The following UST variants were observed in gnomAD, a reference collection of about 807,000 sequenced individuals.
The protein encoded by UST is uronyl 2-sulfotransferase, also known as chondroitin sulfate 2-O-sulfotransferase.
In UST, 21 loss-of-function variants were observed where a neutral mutation model predicts 45.6. The observed-to-expected ratio is 0.46, with a 90% CI of 0.33 to 0.66. The LOEUF is 0.66. Ranked by LOEUF, UST falls within the 30% of genes least tolerant of loss-of-function variation. UST has a pLI of 0.02. For synonymous variants in UST, 215 were observed against 200.6 expected, an observed-to-expected ratio of 1.07 and a Z score of -0.61; for missense variants, 463 against 512.4, an observed-to-expected ratio of 0.90 and a Z score of 0.93.
intron 4 of UST, among the ~76,000 whole-genome samples, chr6:148,960,107 G>A (rs566538720): frequency 4.6e-5 from 7 of 152,080 alleles, no homozygotes; most frequent in South Asian, 2.1e-4. Context: ...TGGCCAACAC[G>A]GCGAAACCCC....
chr6:148,753,579 A>G (rs1264012896), intron 1 of UST, among the ~76,000 whole-genome samples: 1 of 152,198 alleles, frequency 6.6e-6, no homozygotes, highest in East Asian at 1.9e-4. Flanking sequence ...TCACCCATTA[A>G]TGGACATTTG....
At position 149,019,097 on chromosome 6, in the gene UST, C is replaced by G. The variant is rs959235487; in HGVS notation, c.682-42C>G. The G allele has an allele frequency of 2.8e-6, 4 of 1,416,932 alleles. No individual in the cohort carries two copies. In the African/African-American group the frequency reaches 5.6e-5, roughly 20 times the overall value. The allele number at this position is 1,416,932 out of a possible 1,614,324, so 87.8% of individuals were successfully genotyped here. ...CTGTGTGGCATTTGATAGAGCCTTG[C>G]AGAGACTACAAGACATCTGACTGCT... On this transcript the variant is annotated intron_variant, in intron 5 of 7. Coordinates refer to ENST00000367463, the MANE Select transcript of UST (RefSeq NM_005715.3).
chr6:149,056,535 A>G (rs573890623), intron 7 of UST, among the ~76,000 whole-genome samples: 21 of 152,252 alleles, frequency 1.4e-4, no homozygotes, highest in South Asian at 4.2e-4. Context: ...CTCCTATACA[A>G]ATGGGAAGGT....
intron 2 of UST, among the ~76,000 whole-genome samples, chr6:148,895,308 T>A (rs1264171613): frequency 1.3e-5 from 2 of 152,134 alleles, no homozygotes; most frequent in Non-Finnish European, 2.9e-5. Flanking sequence ...ACAAAAAACA[T>A]ATTATATTAC....
chr6:148,849,715 C>CA (rs1778069169), intron 1 of UST, among the ~76,000 whole-genome samples: 1 of 152,104 alleles, frequency 6.6e-6, no homozygotes, highest in Non-Finnish European at 1.5e-5. Context: ...TGTGAGAACT[C>CA]ACTCACTATC....
At chr6:148,938,022 T>C (rs1291127816) in intron 2 of UST, among the ~76,000 whole-genome samples, 2 of 152,228 alleles carry the variant, frequency 1.3e-5, no homozygotes, top group African/African-American at 4.8e-5. Context: ...TCTGTAATTG[T>C]TGCCAATGAA....
chr6:149,041,290 T>C (rs1393712261), intron 7 of UST, among the ~76,000 whole-genome samples: 2 of 152,250 alleles, frequency 1.3e-5, no homozygotes, highest in African/African-American at 2.4e-5. Flanking sequence ...TGGAACCTGC[T>C]GGCTCACTAG....
At chr6:148,794,336 G>T (rs1481330552) in intron 1 of UST, among the ~76,000 whole-genome samples, 1 of 152,150 alleles carries the variant, frequency 6.6e-6, no homozygotes, top group African/African-American at 2.4e-5. Flanking sequence ...TGAAGAGCAG[G>T]TGACCATGTT....
In UST at chr6:148,905,891, G is replaced by A. The variant is rs556921470; in HGVS notation, c.291+18862G>A. The stretch of plus-strand genomic sequence containing the variant: ...ATAATATTCTTCTGTAACAATAGCT[G>A]GCACACATCATTATACATCATACTG... On this transcript the variant is annotated intron_variant, in intron 2 of 7. Transcript: ENST00000367463. 2.0e-5 allele frequency among the ~76,000 whole-genome samples: 3 copies of A among 152,222 alleles called. No homozygotes were observed. The East Asian group carries it at 5.8e-4, about 29-fold the overall frequency.
At chr6:148,982,337 G>A (rs1052860576) in intron 5 of UST, among the ~76,000 whole-genome samples, 2 of 152,054 alleles carry the variant, frequency 1.3e-5, no homozygotes, top group Non-Finnish European at 2.9e-5. Flanking sequence ...GACCTCAAAT[G>A]ATCCGCCCAA....
At chr6:148,855,692 A>AT (rs943217730) in intron 1 of UST, among the ~76,000 whole-genome samples, 5 of 152,192 alleles carry the variant, frequency 3.3e-5, no homozygotes, top group Admixed American at 6.5e-5. Context: ...AGAAATCTGC[A>AT]TTTTTTCACC....
intron 5 of UST, among the ~76,000 whole-genome samples, chr6:149,008,736 C>A (rs2500537): frequency 0.29 from 43,654 of 152,038 alleles, 6,399 homozygotes; most frequent in African/African-American, 0.36. Context: ...GGAAGAGAAG[C>A]CCTTTATTTC....
Position 148,878,647 on chromosome 6 carries a change from G to A in UST, c.248-8339G>A, listed in dbSNP as rs532627338. ...GAGTGTGGAGATCGTGTATGAGTGCGGGGGGTCGTGTATAAGTGCGGGGGT... is the reference window on the plus strand; with the variant it reads ...GAGTGTGGAGATCGTGTATGAGTGCAGGGGGTCGTGTATAAGTGCGGGGGT... On this transcript the variant is annotated intron_variant, in intron 1 of 7. Transcript: ENST00000367463. Among the ~76,000 whole-genome samples the A allele has an allele frequency of 1.2e-3, 155 of 127,494 alleles. 1 individual carries two copies. The highest frequency in any genetic ancestry group is 4.5e-3 in the Middle Eastern group (1 of 222). The allele number at this position is 127,494 out of a possible 152,430, so 83.6% of individuals were successfully genotyped here.
At chr6:148,918,018 A>C (rs762449703) in intron 2 of UST, among the ~76,000 whole-genome samples, 2 of 152,246 alleles carry the variant, frequency 1.3e-5, no homozygotes, top group Non-Finnish European at 2.9e-5. Context: ...TGCAAACCAC[A>C]TGTGCCATGC....
rs559317273 is a variant in UST, at chr6:148,980,089, G to A, written c.681+15526G>A. Among the ~76,000 whole-genome samples the A allele has an allele frequency of 1.5e-3, 224 of 152,202 alleles. 2 individuals carry two copies. Among genetic ancestry groups the A allele is most frequent in the South Asian group, 8.9e-3 (43 of 4,806 alleles). ...CCTTCATCTTTATCAAGGACTCACA[G>A]TCTCTCTTGGGTATCCGATAAGAGT... On this transcript the variant is annotated intron_variant, in intron 5 of 7. Transcript: ENST00000367463.
intron 5 of UST, among the ~76,000 whole-genome samples, chr6:149,007,115 C>CTTTTTTTTT (rs35867213): frequency 1.3e-5 from 1 of 77,640 alleles, no homozygotes; most frequent in African/African-American, 5.4e-5. Flanking sequence ...TCCAGGCAAG[C>CTTTTTTTTT]TTTTTTTTTT....
chr6:148,808,464 C>T (rs1777192380), intron 1 of UST, among the ~76,000 whole-genome samples: 2 of 152,044 alleles, frequency 1.3e-5, no homozygotes. Flanking sequence ...TGGCAGCCGC[C>T]ACCCTTTACC....
At chr6:148,953,144 C>A (rs556690437) in intron 3 of UST, among the ~76,000 whole-genome samples, 2 of 152,242 alleles carry the variant, frequency 1.3e-5, no homozygotes, top group East Asian at 3.9e-4. Flanking sequence ...AGTAGTACCT[C>A]ATTTTATTCC....
At chr6:148,975,760 T>TA (rs1452721418) in intron 5 of UST, among the ~76,000 whole-genome samples, 5 of 152,106 alleles carry the variant, frequency 3.3e-5, no homozygotes, top group African/African-American at 4.8e-5. Context: ...GAACCCAACA[T>TA]ACATCAAATA....
Sources: allele counts gnomAD v4.1 joint callset (sites outside exome capture counted in the v4.1 genomes callset), GRCh38; gene constraint gnomAD v4.1.1; transcripts MANE v1.5; gene names NCBI Gene and HGNC (gene_info 2026-07-23, HGNC 2026-07-21).